Variants in PALB2 observed in about 807,000 individuals in gnomAD.
PALB2 encodes mutant partner and localizer of BRCA2.
Under a neutral mutation model 107.4 loss-of-function variants are expected in PALB2, and 82 were observed. The observed-to-expected ratio is 0.76, with a 90% CI of 0.64 to 0.92. The LOEUF (loss-of-function observed/expected upper bound fraction) is 0.92. Among genes scored for constraint, PALB2 ranks in the 40% least tolerant of loss-of-function variants. PALB2 has a pLI of 0.00. For missense variants in PALB2, 1,374 were observed against 1,379.9 expected (o/e 1.00, Z 0.07); for synonymous variants, 489 against 496.8 (o/e 0.98, Z 0.21).
chr16:23,615,453 T>G (rs1290310906), intron 10 of PALB2, among the ~76,000 whole-genome samples: 1 of 151,178 alleles, frequency 6.6e-6, no homozygotes, highest in African/African-American at 2.4e-5. Context: ...TACAGCTGCA[T>G]GCCACCATGC....
chr16:23,629,158 T>C (rs1264963984), intron 6 of PALB2, 46 bp downstream of exon 6: 1 of 1,456,126 alleles, frequency 6.9e-7, no homozygotes, highest in Non-Finnish European at 9.6e-7. Flanking sequence ...TCATTAAAGT[T>C]TTCATATGTA....
At chr16:23,638,158 G>A in intron 1 of PALB2, 29 bp from the exon 2 acceptor site, 1 of 1,592,666 alleles carries the variant, frequency 6.3e-7, no homozygotes, top group South Asian at 1.1e-5. Context: ...CAACAATACT[G>A]GGCAAGTGGA....
At chr16:23,626,916 C>T (rs377614328) in intron 6 of PALB2, among the ~76,000 whole-genome samples, 2 of 151,752 alleles carry the variant, frequency 1.3e-5, no homozygotes, top group East Asian at 1.9e-4. Flanking sequence ...CCACCGTGCC[C>T]GGCCCATGAA....
rs876659693 is a variant in PALB2, at chr16:23,623,092, T to C, written c.2873A>G (p.Gln958Arg). 1 of 1,614,098 alleles carries C rather than the reference T, an allele frequency of 6.2e-7. No homozygotes were observed. The change falls in exon 9 of 13, where the codon CAA (glutamine) becomes CGA (arginine). Residue 958 changes from glutamine to arginine, a missense_variant. Gln to Arg is a conservative substitution (Grantham distance 43). Transcript: ENST00000261584. ...FCSSDDESEK[Q>R]VLLKSGNIKA... ...TATATTTCCAGACTTCAGTAGTACT[T>C]GCTTTTCACTTTCATCATCAGAGGA...
intron 11 of PALB2, among the ~76,000 whole-genome samples, chr16:23,608,974 T>C (rs1340432124): frequency 6.6e-6 from 1 of 151,866 alleles, no homozygotes; most frequent in Non-Finnish European, 1.5e-5. Flanking sequence ...ATTACAGGTA[T>C]GCGCCACCAT....
chr16:23,641,081 T>A, intron 1 of PALB2, 29 bp downstream of exon 1: 1 of 1,611,012 alleles, frequency 6.2e-7, no homozygotes, highest in Non-Finnish European at 8.5e-7. Context: ...GTCAGAGTCC[T>A]GCGTCCGCCC....
rs891232536 is a variant in PALB2, at chr16:23,629,515, T to C, written c.2514+125A>G. ...ACTTAATGATTACAATGAAATCATATCAAAGAAACACGTCAAACCATTCTT... is the reference window on the plus strand; with the variant it reads ...ACTTAATGATTACAATGAAATCATACCAAAGAAACACGTCAAACCATTCTT... On this transcript the variant is annotated intron_variant, in intron 5 of 12. Transcript: ENST00000261584. 7 of 1,016,946 alleles carry C rather than the reference T, an allele frequency of 6.9e-6. No homozygotes were observed. In the East Asian group the frequency reaches 1.4e-4, roughly 21 times the overall value. The allele number at this position is 1,016,946 out of a possible 1,614,324, so 63.0% of individuals were successfully genotyped here.
chr16:23,636,387 A>G lies in PALB2; in HGVS notation c.212-53T>C, dbSNP rs1382873426. 8 of 1,222,408 alleles carry G rather than the reference A, an allele frequency of 6.5e-6. No individual in the cohort carries two copies. The East Asian group carries it at 2.1e-4, about 32-fold the overall frequency. 75.7% of individuals were successfully genotyped at this position (1,222,408 alleles called of 1,614,324 possible). ...TATATTTTTCTTATAAAATAAAACA[A>G]AAAATACTCATTTTTAACCTATTAT... On this transcript the variant is annotated intron_variant, in intron 3 of 12. Coordinates refer to ENST00000261584, the MANE Select transcript of PALB2 (RefSeq NM_024675.4).
In PALB2 at chr16:23,638,074, A is replaced by G. The variant is rs141047069; in HGVS notation, c.104T>C (p.Leu35Pro). ...TTGAGAATACGATTCACTTACCTGA[A>G]GGCGGGCTAGTGTCTTGCTGTATTC... ...KREYSKTLARLQRAQRAEKIK... is the reference protein window; with the variant it reads ...KREYSKTLARPQRAQRAEKIK... Residue 35 changes from leucine to proline, a missense_variant, in exon 2 of 13, where the codon CTT becomes CCT. Coordinates refer to ENST00000261584, the MANE Select transcript of PALB2 (RefSeq NM_024675.4). 1 of 1,613,900 alleles carries G rather than the reference A, an allele frequency of 6.2e-7. No individual in the cohort carries two copies. Among genetic ancestry groups the G allele is most frequent in the Non-Finnish European group, 8.5e-7 (1 of 1,179,760 alleles).
chr16:23,622,904 C>T (rs1160508325), intron 9 of PALB2, 65 bp downstream of exon 9: 2 of 1,595,322 alleles, frequency 1.3e-6, no homozygotes, highest in Admixed American at 1.7e-5. Flanking sequence ...ACCCAACTTT[C>T]TCTGAAACCT....
chr16:23,607,625 G>C (rs1310522854), intron 12 of PALB2, among the ~76,000 whole-genome samples: 1 of 151,924 alleles, frequency 6.6e-6, no homozygotes, highest in Non-Finnish European at 1.5e-5. Context: ...AAAAAACAGG[G>C]CTTGAATAAA....
rs2140961260 is a variant in PALB2 at position 23,641,237 on chromosome 16, G to C, written c.-80C>G. The stretch of plus-strand genomic sequence containing the variant: ...ACCGGGACCCAGTTGGCCCTGGGCC[G>C]GGGAGGCGCCCCAGGAAGGAATGGG... On this transcript the variant is annotated 5_prime_UTR_variant, in exon 1 of 13. Coordinates refer to ENST00000261584, the MANE Select transcript of PALB2 (RefSeq NM_024675.4). 1 of 1,548,040 alleles carries C rather than the reference G, an allele frequency of 6.5e-7. No homozygotes were observed. The highest frequency in any genetic ancestry group is 1.2e-5 in the South Asian group (1 of 86,198).
chr16:23,610,449 C>T (rs1966564689), intron 11 of PALB2, among the ~76,000 whole-genome samples: 1 of 151,706 alleles, frequency 6.6e-6, no homozygotes, highest in African/African-American at 2.4e-5. Flanking sequence ...ACTGGGACTA[C>T]AGGTGCGCAC....
chr16:23,606,606 A>C (rs1160772782), intron 12 of PALB2, among the ~76,000 whole-genome samples: 2 of 151,052 alleles, frequency 1.3e-5, no homozygotes, highest in Admixed American at 6.6e-5. Context: ...GCTCACTGCA[A>C]CCTCTCCCTC....
intron 9 of PALB2, 22 bp downstream of exon 9, chr16:23,622,947 A>T (rs2142333922): frequency 6.2e-7 from 1 of 1,613,782 alleles, no homozygotes; most frequent in South Asian, 1.1e-5. Context: ...AATAGTTAAA[A>T]ATCAATCAAT....
At position 23,635,085 on chromosome 16, in the gene PALB2, G is replaced by C. The variant is rs515726069; in HGVS notation, c.1461C>G (p.Val487=). 1 of 1,614,166 alleles carries C rather than the reference G, an allele frequency of 6.2e-7. No individual in the cohort carries two copies. Among genetic ancestry groups the C allele is most frequent in the Non-Finnish European group, 8.5e-7 (1 of 1,180,016 alleles). Reference sequence around the variant, plus strand: ...CTTCAGTGGGCCCAGCGGGAGAGCTGACTTTAGTTAATGAGAGAAGTTTCT... The same window carrying C: ...CTTCAGTGGGCCCAGCGGGAGAGCTCACTTTAGTTAATGAGAGAAGTTTCT... ...TSQKLLSLTK[V]SSPAGPTEDN... Residue 487 remains valine, a synonymous_variant, in exon 4 of 13, where the codon GTC becomes GTG. Transcript: ENST00000261584.
intron 7 of PALB2, among the ~76,000 whole-genome samples, chr16:23,624,494 A>G (rs76402776): frequency 0.02 from 2,982 of 152,342 alleles, 93 homozygotes; most frequent in African/African-American, 0.068. Context: ...ATATTCAAGT[A>G]TGAAGACTCT....
At chr16:23,614,804 C>G (rs559271564) in intron 10 of PALB2, among the ~76,000 whole-genome samples, 3 of 151,132 alleles carry the variant, frequency 2.0e-5, no homozygotes, top group South Asian at 4.2e-4. Flanking sequence ...GCGCCCGCCA[C>G]TACGCCCGGC....
intron 11 of PALB2, among the ~76,000 whole-genome samples, chr16:23,608,801 T>TATACACACACACACACACACAC (rs560756242): frequency 2.8e-5 from 4 of 143,806 alleles, no homozygotes; most frequent in African/African-American, 7.9e-5. Flanking sequence ...TGTATATATA[T>TATACACACACACACACACACAC]ACACACACAC....
Sources: allele counts gnomAD v4.1 joint callset (sites outside exome capture counted in the v4.1 genomes callset), GRCh38; gene constraint gnomAD v4.1.1; transcripts MANE v1.5; gene names NCBI Gene and HGNC (gene_info 2026-07-23, HGNC 2026-07-21).